The following DPP6 variants were observed in gnomAD, a reference collection of about 807,000 sequenced individuals.
DPP6 encodes A-type potassium channel modulatory protein DPP6.
A neutral mutation model predicts 122.6 loss-of-function variants in DPP6; 69 were observed. The ratio of observed to expected loss-of-function variants is 0.56; its 90% CI spans 0.46 to 0.69. DPP6 has a LOEUF of 0.69. Ranked by LOEUF, DPP6 falls within the 30% of genes least tolerant of loss-of-function variation. The pLI, the probability that DPP6 is intolerant of heterozygous loss-of-function variation, is 0.00. For missense variants in DPP6, 928 were observed against 1,116.9 expected (o/e 0.83, Z 2.41); for synonymous variants, 418 against 433.1 (o/e 0.97, Z 0.43).
chr7:153,871,758 T>C, the DPP6 span, among the ~76,000 whole-genome samples: 1 of 152,224 alleles, frequency 6.6e-6, no homozygotes, highest in Non-Finnish European at 1.5e-5. Flanking sequence ...CTGGGAGCTA[T>C]AGACTGGAGC....
intron 16 of DPP6, among the ~76,000 whole-genome samples, chr7:154,835,456 T>G (rs1343932224): frequency 6.6e-6 from 1 of 152,232 alleles, no homozygotes. Flanking sequence ...CTTAGGAAAC[T>G]GATCCAGTCC....
At chr7:154,336,274 C>T (rs551575739) in intron 1 of DPP6, among the ~76,000 whole-genome samples, 4 of 152,194 alleles carry the variant, frequency 2.6e-5, no homozygotes, top group South Asian at 2.1e-4. Flanking sequence ...CCTGATAGAC[C>T]GTGGAACTGC....
intron 5 of DPP6, among the ~76,000 whole-genome samples, chr7:154,599,268 G>C (rs555250154): frequency 3.3e-5 from 5 of 152,112 alleles, no homozygotes; most frequent in Non-Finnish European, 7.4e-5. Context: ...AGATGGCCCC[G>C]CATAGGTCTA....
chr7:154,381,114 A>G (rs980260315), intron 1 of DPP6, among the ~76,000 whole-genome samples: 1 of 152,050 alleles, frequency 6.6e-6, no homozygotes, highest in Non-Finnish European at 1.5e-5. Context: ...TGATGTGGCA[A>G]AGGTGGGCGT....
chr7:154,870,240 C>G (rs1436051477), intron 18 of DPP6, among the ~76,000 whole-genome samples: 2 of 151,132 alleles, frequency 1.3e-5, no homozygotes, highest in Non-Finnish European at 2.9e-5. Context: ...CCTCAGTCCC[C>G]CAAAGTGCCA....
chr7:154,090,410 A>G (rs967914121), intron 1 of DPP6, among the ~76,000 whole-genome samples: 1 of 152,240 alleles, frequency 6.6e-6, no homozygotes, highest in African/African-American at 2.4e-5. Context: ...TGAAACATTT[A>G]AATCCTCTTG....
At chr7:154,160,989 C>T (rs1201342385) in intron 1 of DPP6, among the ~76,000 whole-genome samples, 1 of 152,136 alleles carries the variant, frequency 6.6e-6, no homozygotes, top group Admixed American at 6.5e-5. Context: ...ATACCAGTTC[C>T]TTTACAACCA....
At chr7:153,999,043 C>T (rs536312843) in intron 1 of DPP6, among the ~76,000 whole-genome samples, 15 of 152,328 alleles carry the variant, frequency 9.8e-5, no homozygotes, top group African/African-American at 3.1e-4. Context: ...CCAGGTGAAG[C>T]GCTAAGCCCC....
intron 1 of DPP6, among the ~76,000 whole-genome samples, chr7:154,187,678 A>G: frequency 6.6e-6 from 1 of 152,198 alleles, no homozygotes; most frequent in East Asian, 1.9e-4. Context: ...GATGTAAGAA[A>G]TCCTGGTTTA....
At chr7:154,294,401 C>T (rs1411246440) in intron 1 of DPP6, among the ~76,000 whole-genome samples, 1 of 152,118 alleles carries the variant, frequency 6.6e-6, no homozygotes, top group Non-Finnish European at 1.5e-5. Context: ...TTTTTAGTGG[C>T]CTACTTGAAT....
chr7:154,627,335 A>G (rs1370244952), intron 5 of DPP6, among the ~76,000 whole-genome samples: 2 of 151,398 alleles, frequency 1.3e-5, no homozygotes, highest in African/African-American at 2.4e-5. Context: ...AGCTGGGACT[A>G]CAGGCCCCTG....
At chr7:153,977,463 A>G (rs1255231711) in intron 1 of DPP6, among the ~76,000 whole-genome samples, 10 of 152,232 alleles carry the variant, frequency 6.6e-5, no homozygotes, top group Non-Finnish European at 1.2e-4. Flanking sequence ...CTTTATGTGC[A>G]TGTGTCTCTA....
chr7:154,843,673 T>C (rs1801732000), intron 16 of DPP6, among the ~76,000 whole-genome samples: 1 of 152,228 alleles, frequency 6.6e-6, no homozygotes, highest in African/African-American at 2.4e-5. Flanking sequence ...TTGGCTGCTG[T>C]TGTTTTTGCT....
At chr7:154,008,687 A>T in intron 1 of DPP6, among the ~76,000 whole-genome samples, 1 of 120,116 alleles carries the variant, frequency 8.3e-6, no homozygotes, top group South Asian at 2.6e-4. Flanking sequence ...TTTGAGACGG[A>T]GTCTCGCTCT....
intron 1 of DPP6, among the ~76,000 whole-genome samples, chr7:154,250,101 A>G (rs907847932): frequency 6.6e-6 from 1 of 152,070 alleles, no homozygotes; most frequent in Non-Finnish European, 1.5e-5. Context: ...CCCCAGTCAC[A>G]TACCCCCTGC....
chr7:154,140,059 A>G (rs191046259), intron 1 of DPP6, among the ~76,000 whole-genome samples: 20 of 152,282 alleles, frequency 1.3e-4, no homozygotes, highest in Admixed American at 1.3e-3. Context: ...ATTAGGTCTG[A>G]TGGGGGGTAG....
chr7:154,540,471 C>T (rs1828625816), intron 3 of DPP6, 61 bp from the exon 4 acceptor site: 13 of 1,077,298 alleles, frequency 1.2e-5, no homozygotes, highest in East Asian at 2.5e-5. Context: ...AAGCATTCGT[C>T]AAAAGTTGAG....
chr7:154,506,313 T>C (rs1825658956), intron 3 of DPP6, among the ~76,000 whole-genome samples: 1 of 152,174 alleles, frequency 6.6e-6, no homozygotes, highest in Non-Finnish European at 1.5e-5. Flanking sequence ...CTTTCAATGC[T>C]CTCAAGAATT....
At chr7:154,769,311 CT>C in intron 8 of DPP6, 105 bp from the exon 9 acceptor site, 2 of 1,462,924 alleles carry the variant, frequency 1.4e-6, no homozygotes, top group South Asian at 2.5e-5. Flanking sequence ...ATAAGGGGCT[CT>C]GCAGGGACTC....
Sources: gnomAD v4.1 joint callset for allele counts (sites outside exome capture counted in the v4.1 genomes callset) on GRCh38, gnomAD v4.1.1 for gene constraint, MANE v1.5 for transcripts, NCBI Gene and HGNC (gene_info 2026-07-23, HGNC 2026-07-21) for gene names.